ADGRL3: variants seen among roughly 807,000 people sequenced by gnomAD.
ADGRL3 encodes the protein adhesion G protein-coupled receptor L3, also known as calcium-independent alpha-latrotoxin receptor 3.
Under a neutral mutation model 153.5 loss-of-function variants are expected in ADGRL3, and 62 were observed. That is an observed-to-expected ratio of 0.40 (90% CI 0.33 to 0.50). The LOEUF (loss-of-function observed/expected upper bound fraction) is 0.50. Among genes scored for constraint, ADGRL3 ranks in the 20% least tolerant of loss-of-function variants. ADGRL3 has a pLI of 0.47. For missense variants in ADGRL3, 1,641 were observed against 1,859.4 expected (o/e 0.88, Z 2.16); for synonymous variants, 710 against 672.5 (o/e 1.06, Z -0.86).
chr4:61,680,411 TG>T, intron 6 of ADGRL3, among the ~76,000 whole-genome samples: 1 of 43,832 alleles, frequency 2.3e-5, no homozygotes, highest in Middle Eastern at 0.017. Flanking sequence ...TACTCGTGTG[TG>T]TGTGTGTGTG....
At chr4:61,644,264 A>G (rs2093844399) in intron 5 of ADGRL3, among the ~76,000 whole-genome samples, 1 of 105,634 alleles carries the variant, frequency 9.5e-6, no homozygotes, top group Admixed American at 9.7e-5. Context: ...TAATTTTTTG[A>G]AGGGTTTTTT....
chr4:61,354,615 A>G (rs2096126436), intron 1 of ADGRL3, among the ~76,000 whole-genome samples: 1 of 151,568 alleles, frequency 6.6e-6, no homozygotes, highest in East Asian at 1.9e-4. Context: ...TTAGTGACCC[A>G]AATAAAATAC....
intron 17 of ADGRL3, among the ~76,000 whole-genome samples, chr4:61,965,712 C>T (rs2099003967): frequency 6.6e-6 from 1 of 151,994 alleles, no homozygotes; most frequent in African/African-American, 2.4e-5. Flanking sequence ...GATCATGCCA[C>T]TGCACTCCAG....
At chr4:61,385,568 C>G (rs1192324431) in intron 2 of ADGRL3, 1 of 152,196 alleles carries the variant, frequency 6.6e-6, no homozygotes, top group Non-Finnish European at 1.5e-5. Context: ...CAGAAGTGAA[C>G]TGCTCCCACC....
At chr4:61,675,018 G>T (rs910210791) in intron 5 of ADGRL3, among the ~76,000 whole-genome samples, 5 of 151,922 alleles carry the variant, frequency 3.3e-5, no homozygotes, top group Non-Finnish European at 5.9e-5. Flanking sequence ...ATGCTAAATT[G>T]CCTGATGAGT....
At chr4:61,562,079 C>G (rs908157794) in intron 4 of ADGRL3, among the ~76,000 whole-genome samples, 1 of 151,896 alleles carries the variant, frequency 6.6e-6, no homozygotes, top group Non-Finnish European at 1.5e-5. Flanking sequence ...AAGAATAAAG[C>G]AAGTTTCATG....
At chr4:61,767,164 A>T (rs1224069723) in intron 8 of ADGRL3, among the ~76,000 whole-genome samples, 1 of 151,938 alleles carries the variant, frequency 6.6e-6, no homozygotes, top group Non-Finnish European at 1.5e-5. Context: ...GGGATACAAG[A>T]GGAGGACCCA....
chr4:61,911,857 G>A (rs1402389306), intron 12 of ADGRL3, among the ~76,000 whole-genome samples: 2 of 151,944 alleles, frequency 1.3e-5, no homozygotes, highest in Non-Finnish European at 2.9e-5. Flanking sequence ...AAATTGGAAA[G>A]AAGAGGAAAA....
intron 1 of ADGRL3, among the ~76,000 whole-genome samples, chr4:61,362,681 G>T (rs956077256): frequency 2.6e-5 from 4 of 152,004 alleles, no homozygotes; most frequent in Non-Finnish European, 4.4e-5. Context: ...TTTCAGCCTC[G>T]TCTTCACATT....
chr4:61,973,401 G>A (rs2099036495), intron 17 of ADGRL3, among the ~76,000 whole-genome samples: 1 of 151,768 alleles, frequency 6.6e-6, no homozygotes, highest in Admixed American at 6.6e-5. Context: ...CAGTGACAAA[G>A]ACAAAGCAGA....
chr4:61,617,165 A>G (rs140858427), intron 5 of ADGRL3, among the ~76,000 whole-genome samples: 1,556 of 152,284 alleles, frequency 0.01, 8 homozygotes, highest in Middle Eastern at 0.034. Flanking sequence ...CACGAAATTC[A>G]GGTGGTCTGC....
intron 9 of ADGRL3, among the ~76,000 whole-genome samples, chr4:61,816,723 T>C (rs2097692408): frequency 6.6e-6 from 1 of 152,150 alleles, no homozygotes; most frequent in South Asian, 2.1e-4. Context: ...GAACAGCCGC[T>C]GTGGGGATGC....
intron 9 of ADGRL3, among the ~76,000 whole-genome samples, chr4:61,845,274 T>G (rs897395977): frequency 1.3e-5 from 2 of 152,080 alleles, no homozygotes; most frequent in East Asian, 3.9e-4. Flanking sequence ...GCTATGCAGA[T>G]TTCCCATTAT....
At chr4:61,955,019 G>T (rs533631546) in intron 17 of ADGRL3, among the ~76,000 whole-genome samples, 1 of 152,136 alleles carries the variant, frequency 6.6e-6, no homozygotes, top group African/African-American at 2.4e-5. Flanking sequence ...CCAGCTGAAC[G>T]TTGCTTAGAA....
chr4:61,548,986 AT>A (rs759435996), intron 4 of ADGRL3, among the ~76,000 whole-genome samples: 1 of 151,850 alleles, frequency 6.6e-6, no homozygotes, highest in Non-Finnish European at 1.5e-5. Context: ...GTGTTTTTCC[AT>A]TTGTTTGTGT....
intron 9 of ADGRL3, among the ~76,000 whole-genome samples, chr4:61,841,024 C>T (rs936616999): frequency 6.6e-6 from 1 of 151,476 alleles, no homozygotes; most frequent in African/African-American, 2.4e-5. Context: ...GCTAGGTGTA[C>T]TTAACATTGT....
At chr4:61,455,113 G>A (rs2097719785) in intron 2 of ADGRL3, among the ~76,000 whole-genome samples, 1 of 152,082 alleles carries the variant, frequency 6.6e-6, no homozygotes, top group African/African-American at 2.4e-5. Context: ...AATCTAATCA[G>A]TCAAAAATAG....
At chr4:61,305,861 C>A (rs1249433707) in intron 1 of ADGRL3, among the ~76,000 whole-genome samples, 2 of 152,058 alleles carry the variant, frequency 1.3e-5, no homozygotes, top group Non-Finnish European at 2.9e-5. Context: ...GAGGAATATT[C>A]ATGTCTTCTC....
intron 2 of ADGRL3, among the ~76,000 whole-genome samples, chr4:61,458,194 G>A (rs2097774081): frequency 6.6e-6 from 1 of 151,412 alleles, no homozygotes; most frequent in African/African-American, 2.4e-5. Context: ...TTCTTAGGAA[G>A]TAGGAATAAA....
Sources: gnomAD v4.1 joint callset for allele counts (sites outside exome capture counted in the v4.1 genomes callset) on GRCh38, gnomAD v4.1.1 for gene constraint, MANE v1.5 for transcripts, NCBI Gene and HGNC (gene_info 2026-07-23, HGNC 2026-07-21) for gene names.